SAMSN1: variants seen among roughly 807,000 people sequenced by gnomAD.
SAMSN1 encodes SAM domain, SH3 domain and nuclear localization signals 1.
SAMSN1 carries 31 observed loss-of-function variants against 42.0 expected under a neutral mutation model. That is an observed-to-expected ratio of 0.74 (90% CI 0.55 to 1.00). The LOEUF is 1.00. Among genes scored for constraint, SAMSN1 ranks in the 50% least tolerant of loss-of-function variants. The probability of loss-of-function intolerance (pLI) is 0.00; values close to 1 mark genes in which losing one functional copy is unlikely to be tolerated. For missense variants in SAMSN1, 464 were observed against 439.4 expected, an observed-to-expected ratio of 1.06 and a Z score of -0.50; for synonymous variants, 178 against 151.9, an observed-to-expected ratio of 1.17 and a Z score of -1.26.
intron 2 of SAMSN1, among the ~76,000 whole-genome samples, chr21:14,564,428 C>G (rs1600932700): frequency 6.6e-6 from 1 of 152,258 alleles, no homozygotes; most frequent in Non-Finnish European, 1.5e-5. Flanking sequence ...ACAACAGTAT[C>G]AAGTGTTATT....
intron 7 of SAMSN1, among the ~76,000 whole-genome samples, chr21:14,495,468 A>G (rs1986880184): frequency 6.6e-6 from 1 of 152,220 alleles, no homozygotes; most frequent in Non-Finnish European, 1.5e-5. Context: ...ATATTCTAAT[A>G]CTACTCTAGA....
chr21:14,559,732 C>T (rs1015046659), intron 2 of SAMSN1, among the ~76,000 whole-genome samples: 28 of 152,086 alleles, frequency 1.8e-4, no homozygotes, highest in Admixed American at 1.7e-3. Flanking sequence ...TCTTGAACTC[C>T]GGGCCTCAAT....
chr21:14,511,654 A>C (rs942305044), intron 4 of SAMSN1, among the ~76,000 whole-genome samples: 1 of 152,200 alleles, frequency 6.6e-6, no homozygotes, highest in Non-Finnish European at 1.5e-5. Context: ...ACATTTAAAA[A>C]CCCTGAAAAG....
intron 4 of SAMSN1, among the ~76,000 whole-genome samples, chr21:14,610,824 C>A (rs1008955259): frequency 1.3e-5 from 2 of 152,264 alleles, no homozygotes; most frequent in African/African-American, 4.8e-5. Context: ...TTCCCATGAA[C>A]TACATAGGCA....
chr21:14,607,947 T>C (rs1426291462), intron 5 of SAMSN1, among the ~76,000 whole-genome samples: 1 of 152,182 alleles, frequency 6.6e-6, no homozygotes, highest in Non-Finnish European at 1.5e-5. Flanking sequence ...GAGAAACTGA[T>C]AGACAAATGT....
intron 1 of SAMSN1, among the ~76,000 whole-genome samples, chr21:14,531,285 A>G (rs997073444): frequency 1.3e-5 from 2 of 152,116 alleles, no homozygotes; most frequent in African/African-American, 4.8e-5. Flanking sequence ...TATTTGTTGT[A>G]CTGTTAATAA....
chr21:14,575,544 A>T (rs538622642), intron 2 of SAMSN1, among the ~76,000 whole-genome samples: 1 of 152,368 alleles, frequency 6.6e-6, no homozygotes, highest in East Asian at 1.9e-4. Flanking sequence ...CACTGCAAAA[A>T]AGTAAATTTA....
chr21:14,489,654 T>A (rs1675370887), intron 7 of SAMSN1, among the ~76,000 whole-genome samples: 1 of 152,170 alleles, frequency 6.6e-6, no homozygotes, highest in Admixed American at 6.5e-5. Flanking sequence ...GAAAGCTGTA[T>A]AATTCTGTAC....
At chr21:14,499,202 A>C (rs1249810930) in intron 6 of SAMSN1, among the ~76,000 whole-genome samples, 1 of 152,180 alleles carries the variant, frequency 6.6e-6, no homozygotes, top group African/African-American at 2.4e-5. Context: ...GTAGTTGGGG[A>C]AAGAATTGTT....
intron 2 of SAMSN1, among the ~76,000 whole-genome samples, chr21:14,569,415 T>C (rs893826237): frequency 2.0e-5 from 3 of 152,182 alleles, no homozygotes; most frequent in Admixed American, 1.3e-4. Context: ...ATTTCCCCAT[T>C]TTGCTGTTTT....
At chr21:14,624,177 A>G (rs1983098808) in intron 2 of SAMSN1, among the ~76,000 whole-genome samples, 1 of 152,234 alleles carries the variant, frequency 6.6e-6, no homozygotes, top group Non-Finnish European at 1.5e-5. Flanking sequence ...GAAAGCAGGG[A>G]AGATCTAAAA....
At chr21:14,631,957 G>A (rs1983341780) in intron 2 of SAMSN1, among the ~76,000 whole-genome samples, 1 of 152,112 alleles carries the variant, frequency 6.6e-6, no homozygotes. Context: ...AAGGAAGGAA[G>A]GAAGGAAGGA....
upstream of SAMSN1, among the ~76,000 whole-genome samples, chr21:14,587,377 T>C (rs1981949130): frequency 6.6e-6 from 1 of 152,202 alleles, no homozygotes. Flanking sequence ...CCTTTACTAT[T>C]TGATATTCAG....
chr21:14,639,203 C>T (rs368958699), intron 2 of SAMSN1, among the ~76,000 whole-genome samples: 2 of 152,308 alleles, frequency 1.3e-5, no homozygotes, highest in African/African-American at 4.8e-5. Flanking sequence ...GAGATACAAA[C>T]ATTTTATGTT....
At chr21:14,649,875 A>G (rs1983801900) in intron 1 of SAMSN1, among the ~76,000 whole-genome samples, 1 of 152,152 alleles carries the variant, frequency 6.6e-6, no homozygotes, top group Non-Finnish European at 1.5e-5. Context: ...AAACCAAAAA[A>G]GAACAGAAGT....
chr21:14,650,665 G>T (rs967770178), intron 1 of SAMSN1, among the ~76,000 whole-genome samples: 1 of 151,492 alleles, frequency 6.6e-6, no homozygotes, highest in African/African-American at 2.4e-5. Flanking sequence ...ATTAGTAGAA[G>T]AAACAAAATA....
chr21:14,645,245 A>G (rs1983690385), intron 1 of SAMSN1, among the ~76,000 whole-genome samples: 1 of 152,216 alleles, frequency 6.6e-6, no homozygotes, highest in Non-Finnish European at 1.5e-5. Flanking sequence ...CTGACCCAGC[A>G]CAGTCACAGC....
At chr21:14,547,965 CAG>C (rs1476684470), upstream of SAMSN1, among the ~76,000 whole-genome samples, 2 of 152,058 alleles carry the variant, frequency 1.3e-5, no homozygotes, top group Non-Finnish European at 2.9e-5. Flanking sequence ...CTGACACAGA[CAG>C]AGAACACTGG....
intron 2 of SAMSN1, among the ~76,000 whole-genome samples, chr21:14,553,538 A>G (rs1348324005): frequency 6.6e-6 from 1 of 152,106 alleles, no homozygotes; most frequent in East Asian, 1.9e-4. Flanking sequence ...ATCACTTCCA[A>G]TTATCTCTGG....
Sources: allele counts gnomAD v4.1 joint callset (sites outside exome capture counted in the v4.1 genomes callset), GRCh38; gene constraint gnomAD v4.1.1; transcripts MANE v1.5; gene names NCBI Gene and HGNC (gene_info 2026-07-23, HGNC 2026-07-21).